Variants in PARP14 observed in about 807,000 individuals in gnomAD.
PARP14 encodes protein mono-ADP-ribosyltransferase PARP14.
A neutral mutation model predicts 154.2 loss-of-function variants in PARP14; 59 were observed. The ratio of observed to expected loss-of-function variants is 0.38; its 90% CI spans 0.31 to 0.48. The LOEUF is 0.48. Ranked by LOEUF, PARP14 falls within the 20% of genes least tolerant of loss-of-function variation. The pLI is 0.98. For missense variants in PARP14, 1,734 were observed against 2,131.6 expected, an observed-to-expected ratio of 0.81 and a Z score of 3.67; for synonymous variants, 720 against 780.5, an observed-to-expected ratio of 0.92 and a Z score of 1.29.
At chr3:122,706,453 G>T (rs1477111751) in intron 8 of PARP14, among the ~76,000 whole-genome samples, 20 of 152,126 alleles carry the variant, frequency 1.3e-4, no homozygotes. Flanking sequence ...TCAATCAGTT[G>T]CTAACATTTA....
chr3:122,714,324 A>C lies in PARP14; in HGVS notation c.3895A>C (p.Ile1299Leu). The change falls in exon 12 of 17, where the codon ATT becomes CTT. Residue 1299 changes from isoleucine (I) to leucine (L), a missense_variant. Coordinates refer to ENST00000474629, the MANE Select transcript of PARP14 (RefSeq NM_017554.3). ...TGGATTTTTGAGGTGCAAGAATATC[A>C]TTCATGTAATTGGTGGAAATGATGT... Reference protein sequence around the residue: ...GGGFLRCKNIIHVIGGNDVKS... With the variant: ...GGGFLRCKNILHVIGGNDVKS... The C allele has an allele frequency of 6.3e-7, 1 of 1,598,336 alleles. No individual in the cohort carries two copies. The highest frequency in any genetic ancestry group is 1.4e-5 in the African/African-American group (1 of 73,888).
intron 4 of PARP14, among the ~76,000 whole-genome samples, chr3:122,694,813 C>T (rs748953450): frequency 2.6e-5 from 4 of 151,996 alleles, no homozygotes; most frequent in Admixed American, 6.6e-5. Flanking sequence ...AACCACCACG[C>T]CCGGCCAATA....
rs936623743 is a variant in PARP14, at chr3:122,729,050, A to T, written c.*453A>T. 4 of 159,420 alleles carry T rather than the reference A, an allele frequency of 2.5e-5. No individual in the cohort carries two copies. The highest frequency in any genetic ancestry group is 5.5e-5 in the Non-Finnish European group (4 of 72,222). 9.9% of individuals were successfully genotyped at this position (159,420 alleles called of 1,614,324 possible). On this transcript the variant is annotated 3_prime_UTR_variant, in exon 17 of 17. Transcript: ENST00000474629. ...GGGAGCAGGGATGGTATCTTAGTCA[A>T]TTTTTTTCCCTTGAGATGAGGTCTG...
At chr3:122,726,222 TCCATGTGGGATAA>T (rs776268177) in intron 15 of PARP14, among the ~76,000 whole-genome samples, 1 of 152,236 alleles carries the variant, frequency 6.6e-6, no homozygotes, top group Non-Finnish European at 1.5e-5. Context: ...TTTCCATGCT[TCCATGTGGGATAA>T]TTTTTCATCT....
At chr3:122,705,737 TTTTTA>T (rs1229506504) in intron 8 of PARP14, among the ~76,000 whole-genome samples, 1 of 152,248 alleles carries the variant, frequency 6.6e-6, no homozygotes. Context: ...ACCATCTGAA[TTTTTA>T]GGTAATGCTT....
chr3:122,697,960 C>T (rs1938832795), intron 5 of PARP14, among the ~76,000 whole-genome samples: 1 of 152,190 alleles, frequency 6.6e-6, no homozygotes, highest in Non-Finnish European at 1.5e-5. Flanking sequence ...GTTACTTTAA[C>T]CCACCTAAGC....
In PARP14 at chr3:122,727,878, A is replaced by G; in HGVS notation, c.5008A>G (p.Lys1670Glu). The change falls in exon 16 of 17, where the codon AAG (lysine) becomes GAG (glutamate). Residue 1670 changes from lysine (K) to glutamate (E), a missense_variant. Lys to Glu is a moderately conservative substitution (Grantham distance 56, BLOSUM62 1). Coordinates refer to ENST00000474629, the MANE Select transcript of PARP14 (RefSeq NM_017554.3). ...YQAKKKTMDAKNGQTMNEKQL... is the reference protein window; with the variant it reads ...YQAKKKTMDAENGQTMNEKQL... ...GGCAAAGAAAAAAACTATGGATGCC[A>G]AGAATGGCCAGACAATGAATGAGAA... 6.2e-7 allele frequency: 1 copy of G among 1,613,552 alleles called. No homozygotes were observed. Among genetic ancestry groups the G allele is most frequent in the Non-Finnish European group, 8.5e-7 (1 of 1,179,464 alleles).
Position 122,728,407 on chromosome 3 carries a change from A to C in PARP14, c.5216A>C (p.Tyr1739Ser). 3.1e-6 allele frequency: 5 copies of C among 1,613,840 alleles called. No individual in the cohort carries two copies. The highest frequency in any genetic ancestry group is 4.2e-6 in the Non-Finnish European group (5 of 1,179,722). ...RPDANGRKHV[Y>S]YVRVLTGIYT... ...GATGCAAATGGGAGAAAGCATGTGTATTATGTGCGAGTACTTACTGGAATC... is the reference window on the plus strand; with the variant it reads ...GATGCAAATGGGAGAAAGCATGTGTCTTATGTGCGAGTACTTACTGGAATC... Residue 1739 changes from tyrosine to serine, a missense_variant, in exon 17 of 17, where the codon TAT (tyrosine) becomes TCT (serine). Around this residue, in one of 2 missense-constraint regions of PARP14, gnomAD observed 88 missense variants for 155.6 expected, o/e 0.57. Coordinates refer to ENST00000474629, the MANE Select transcript of PARP14 (RefSeq NM_017554.3).
chr3:122,713,188 C>T (rs781241409), intron 9 of PARP14, among the ~76,000 whole-genome samples: 24 of 152,294 alleles, frequency 1.6e-4, no homozygotes, highest in East Asian at 3.9e-4. Context: ...GGCTATAGTA[C>T]GCTAACTTCA....
In PARP14 at chr3:122,718,341, T is replaced by C. The variant is rs1235334995; in HGVS notation, c.4208-18T>C. The C allele has an allele frequency of 6.2e-7, 1 of 1,610,802 alleles. No individual in the cohort carries two copies. Among genetic ancestry groups the C allele is most frequent in the Non-Finnish European group, 8.5e-7 (1 of 1,178,662 alleles). ...TTGATGTCACATGTGAAATACCTAA[T>C]CTTCCTTTTCTTTTTAGCATTTTTG... is the stretch of plus-strand genomic sequence containing the variant. On this transcript the variant is annotated intron_variant, in intron 13 of 16. Coordinates refer to ENST00000474629, the MANE Select transcript of PARP14 (RefSeq NM_017554.3).
At chr3:122,689,629 C>T (rs1317240869) in intron 3 of PARP14, among the ~76,000 whole-genome samples, 1 of 152,106 alleles carries the variant, frequency 6.6e-6, no homozygotes, top group Non-Finnish European at 1.5e-5. Context: ...TTAAAGTTTT[C>T]CTTATCCATC....
chr3:122,721,901 CA>C (rs1933175028), intron 15 of PARP14: 1 of 152,006 alleles, frequency 6.6e-6, no homozygotes, highest in Non-Finnish European at 1.5e-5. Context: ...AATAAATATA[CA>C]AAGAAAAATG....
chr3:122,723,563 A>G (rs115330094), intron 15 of PARP14, among the ~76,000 whole-genome samples: 138 of 152,262 alleles, frequency 9.1e-4, no homozygotes, highest in African/African-American at 3.2e-3. Flanking sequence ...TATTTCTGGT[A>G]AGCTGAGTTA....
At chr3:122,698,684 T>A (rs576806191) in intron 5 of PARP14, among the ~76,000 whole-genome samples, 1 of 152,286 alleles carries the variant, frequency 6.6e-6, no homozygotes, top group East Asian at 1.9e-4. Flanking sequence ...CCTCAAATGG[T>A]TGTTGTGAGG....
chr3:122,692,268 C>A (rs1390678727), intron 3 of PARP14, 33 bp from the exon 4 acceptor site: 1 of 1,585,612 alleles, frequency 6.3e-7, no homozygotes, highest in African/African-American at 1.3e-5. Context: ...ATAAGTATAA[C>A]ATCTTGTACC....
intron 5 of PARP14, among the ~76,000 whole-genome samples, chr3:122,699,011 A>T (rs1415681269): frequency 6.6e-6 from 1 of 152,250 alleles, no homozygotes; most frequent in Non-Finnish European, 1.5e-5. Context: ...TATCAGGAAA[A>T]CAGTAAACAG....
intron 3 of PARP14, among the ~76,000 whole-genome samples, chr3:122,690,978 A>C (rs1430171419): frequency 4.6e-5 from 7 of 152,142 alleles, no homozygotes; most frequent in African/African-American, 1.7e-4. Flanking sequence ...GCAAGGGAGA[A>C]TGGGGTTTCA....
At chr3:122,727,763 G>T in intron 15 of PARP14, 49 bp from the exon 16 acceptor site, 3 of 1,185,666 alleles carry the variant, frequency 2.5e-6, no homozygotes, top group Non-Finnish European at 3.6e-6. Context: ...GCTGTATATT[G>T]GCAAGTGCTC....
chr3:122,719,433 C>T (rs1359622190), intron 14 of PARP14, among the ~76,000 whole-genome samples: 2 of 152,204 alleles, frequency 1.3e-5, no homozygotes, highest in East Asian at 3.9e-4. Flanking sequence ...GAACTTCTCC[C>T]AGTAGTCACC....
Sources: gnomAD v4.1 joint callset for allele counts (sites outside exome capture counted in the v4.1 genomes callset) on GRCh38, gnomAD v4.1.1 for gene constraint, gnomAD v4.1.1 regional missense constraint, MANE v1.5 for transcripts, NCBI Gene and HGNC (gene_info 2026-07-23, HGNC 2026-07-21) for gene names.